The following ENO2 variants were observed in gnomAD, a reference collection of about 807,000 sequenced individuals.
The protein encoded by ENO2 is enolase 2, also known as gamma-enolase.
ENO2 carries 19 observed loss-of-function variants against 48.7 expected under a neutral mutation model. The observed-to-expected ratio is 0.39, with a 90% CI of 0.27 to 0.57. ENO2 has a LOEUF of 0.57. Among genes scored for constraint, ENO2 ranks in the 20% least tolerant of loss-of-function variants. The pLI is 0.58. For missense variants in ENO2, 416 were observed against 555.0 expected (o/e 0.75, Z 2.52); for synonymous variants, 198 against 213.4 (o/e 0.93, Z 0.63).
chr12:6,919,052 T>C (rs1945317931), intron 7 of ENO2, among the ~76,000 whole-genome samples: 1 of 148,420 alleles, frequency 6.7e-6, no homozygotes, highest in South Asian at 2.2e-4. Flanking sequence ...TGGATGACTG[T>C]TGGATTCATC....
Position 6,917,656 on chromosome 12 carries a change from C to G in ENO2, c.386C>G (p.Pro129Arg). 6.2e-7 allele frequency: 1 copy of G among 1,613,852 alleles called. No individual in the cohort carries two copies. Among genetic ancestry groups the G allele is most frequent in the Non-Finnish European group, 8.5e-7 (1 of 1,179,948 alleles). The change falls in exon 6 of 12, where the codon CCC (proline) becomes CGC (arginine). Residue 129 changes from proline to arginine, a missense_variant. By Grantham distance (103) the Pro-to-Arg change is moderately radical. Coordinates refer to ENST00000229277, the MANE Select transcript of ENO2 (RefSeq NM_001975.3). ...GCAGGGGCAGCTGAGCGGGAACTGC[C>G]CCTGTATCGCCACATTGCTCAGCTG... is the stretch of plus-strand genomic sequence containing the variant. ...CKAGAAERELPLYRHIAQLAG... is the reference protein window; with the variant it reads ...CKAGAAERELRLYRHIAQLAG...
Position 6,922,724 on chromosome 12 carries a change from C to T in ENO2, c.1236-7C>T, listed in dbSNP as rs782590975. 3.1e-6 allele frequency: 5 copies of T among 1,614,092 alleles called. 1 individual carries two copies. Among genetic ancestry groups the T allele is most frequent in the South Asian group, 2.2e-5 (2 of 91,088 alleles). ...TGACCACTTCCTTTGTGGTTCATCTCTCTCAGAATTGAGGAAGAGCTGGGG... is the reference window on the plus strand; with the variant it reads ...TGACCACTTCCTTTGTGGTTCATCTTTCTCAGAATTGAGGAAGAGCTGGGG... On this transcript the variant is annotated splice_region_variant and splice_polypyrimidine_tract_variant and intron_variant, in intron 11 of 11. Transcript: ENST00000229277. This position sits in a 1 kb window ranked among gnomAD's most constrained non-coding sequence, Gnocchi z 5.3.
At position 6,922,537 on chromosome 12, in the gene ENO2, T is replaced by C; in HGVS notation, c.1235+135T>C. ...ACAGTCCAACAGATAATATTGGTTT[T>C]TGCTTCCTGGGTTTATTGATGGCCT... On this transcript the variant is annotated intron_variant, in intron 11 of 11. Coordinates refer to ENST00000229277, the MANE Select transcript of ENO2 (RefSeq NM_001975.3). This position sits in a 1 kb window ranked among gnomAD's most constrained non-coding sequence, Gnocchi z 5.3. 7.4e-7 allele frequency: 1 copy of C among 1,354,998 alleles called. No homozygotes were observed. Among genetic ancestry groups the C allele is most frequent in the East Asian group, 2.3e-5 (1 of 43,426 alleles). 83.9% of individuals were successfully genotyped at this position (1,354,998 alleles called of 1,614,324 possible).
chr12:6,917,131 G>A, intron 5 of ENO2, 24 bp downstream of exon 5: 1 of 1,613,734 alleles, frequency 6.2e-7, no homozygotes, highest in South Asian at 1.1e-5. Flanking sequence ...GGGAGAAAGT[G>A]GGGAAGCGTC....
At chr12:6,918,243 C>G in intron 7 of ENO2, 81 bp downstream of exon 7, 1 of 1,451,782 alleles carries the variant, frequency 6.9e-7, no homozygotes. Flanking sequence ...TTCACCAAGT[C>G]CTGAGTAGGC....
intron 8 of ENO2, 81 bp from the exon 9 acceptor site, chr12:6,921,500 A>T (rs1267839422): frequency 7.0e-7 from 1 of 1,418,900 alleles, no homozygotes; most frequent in Non-Finnish European, 9.9e-7. Flanking sequence ...ATTTCAGGGA[A>T]TAAAGGGGCA....
rs1945347571 is a variant in ENO2, at chr12:6,922,224, A to T, written c.1176+60A>T. 4 of 1,606,342 alleles carry T rather than the reference A, an allele frequency of 2.5e-6. No individual in the cohort carries two copies. Among genetic ancestry groups the T allele is most frequent in the Non-Finnish European group, 3.4e-6 (4 of 1,174,276 alleles). On this transcript the variant is annotated intron_variant, in intron 10 of 11. Coordinates refer to ENST00000229277, the MANE Select transcript of ENO2 (RefSeq NM_001975.3). The surrounding 1 kb of genome is among the most constrained non-coding windows in gnomAD (Gnocchi z 5.3). ...TCTGTGGGATTGGTATTTCTAGCTC[A>T]CCCACCTGGTCTCTCCTTCCAGGTG...
At chr12:6,917,462 G>C in intron 5 of ENO2, 119 bp from the exon 6 acceptor site, 1 of 1,375,626 alleles carries the variant, frequency 7.3e-7, no homozygotes, top group Non-Finnish European at 9.8e-7. Context: ...GCTGGGGCAG[G>C]GGTGGGGAGG....
intron 7 of ENO2, among the ~76,000 whole-genome samples, chr12:6,918,856 C>A (rs1237719402): frequency 6.6e-6 from 1 of 151,450 alleles, no homozygotes; most frequent in African/African-American, 2.4e-5. Flanking sequence ...GTGGCGTGTG[C>A]CTGTAATCAC....
chr12:6,917,941 C>T lies in ENO2; in HGVS notation c.446C>T (p.Ala149Val), dbSNP rs1945307059. 29 of 1,613,884 alleles carry T rather than the reference C, an allele frequency of 1.8e-5. No individual in the cohort carries two copies. The highest frequency in any genetic ancestry group is 2.4e-5 in the Non-Finnish European group (28 of 1,180,016). The change falls in exon 7 of 12, where the codon GCC becomes GTC. Residue 149 changes from alanine (A) to valine (V), a missense_variant and splice_region_variant. Transcript: ENST00000229277. ...GNSDLILPVPAFNVINGGSHA... is the reference protein window; with the variant it reads ...GNSDLILPVPVFNVINGGSHA... ...TTCTGTCTTTCTGTGGCTCCCCAGG[C>T]CTTCAACGTGATCAATGGTGGCTCT...
intron 7 of ENO2, among the ~76,000 whole-genome samples, chr12:6,919,030 T>G (rs368312799): frequency 3.3e-3 from 91 of 27,592 alleles, no homozygotes; most frequent in African/African-American, 0.014. Context: ...TTGGGAATAC[T>G]GGGAGATGGT....
rs1945272791 is a variant in ENO2 at position 6,914,877 on chromosome 12, G to T, written c.-13+218G>T. Among the ~76,000 whole-genome samples the T allele has an allele frequency of 6.6e-6, 1 of 151,950 alleles. No homozygotes were observed. The highest frequency in any genetic ancestry group is 2.4e-5 in the African/African-American group (1 of 41,374). ...CCTCTGCGCGCCTATCTCTAACTGC[G>T]CCTCTCCACCCTTGCCTGCCTCTCT... On this transcript the variant is annotated intron_variant, in intron 1 of 11. Transcript: ENST00000229277. The surrounding 1 kb of genome is among the most constrained non-coding windows in gnomAD (Gnocchi z 7.1).
In ENO2 at chr12:6,922,702, C is replaced by G; in HGVS notation, c.1236-29C>G. The G allele has an allele frequency of 6.2e-7, 1 of 1,613,732 alleles. No individual in the cohort carries two copies. The highest frequency in any genetic ancestry group is 1.1e-5 in the South Asian group (1 of 91,082). ...AAGCAGGATCCTCCTGCATCCCTGA[C>G]CACTTCCTTTGTGGTTCATCTCTCT... is the stretch of plus-strand genomic sequence containing the variant. On this transcript the variant is annotated intron_variant, in intron 11 of 11. Transcript: ENST00000229277. This position sits in a 1 kb window ranked among gnomAD's most constrained non-coding sequence, Gnocchi z 5.3.
Position 6,922,924 on chromosome 12 carries a change from T to G in ENO2, c.*124T>G. ...CCAGGGTGCCCAGAACTTCCCTGAT[T>G]GACCTGCTCCGCTGCTCCTTGGCTT... On this transcript the variant is annotated 3_prime_UTR_variant, in exon 12 of 12. Transcript: ENST00000229277. This position sits in a 1 kb window ranked among gnomAD's most constrained non-coding sequence, Gnocchi z 5.3. 1.0e-6 allele frequency: 1 copy of G among 1,004,430 alleles called. No individual in the cohort carries two copies. Among genetic ancestry groups the G allele is most frequent in the East Asian group, 2.5e-5 (1 of 40,282 alleles). 62.2% of individuals were successfully genotyped at this position (1,004,430 alleles called of 1,614,324 possible).
At chr12:6,917,213 T>C (rs1189965166) in intron 5 of ENO2, 106 bp downstream of exon 5, 1 of 1,366,376 alleles carries the variant, frequency 7.3e-7, no homozygotes. Flanking sequence ...GGAATGACTG[T>C]CAGGGGCATT....
chr12:6,916,458 A>G lies in ENO2; in HGVS notation c.127A>G (p.Ile43Val), dbSNP rs1555141609. The G allele has an allele frequency of 1.2e-6, 2 of 1,613,926 alleles. No homozygotes were observed. Among genetic ancestry groups the G allele is most frequent in the African/African-American group, 1.3e-5 (1 of 74,882 alleles). The change falls in exon 3 of 12, where the codon ATC (isoleucine) becomes GTC (valine). Residue 43 changes from isoleucine to valine, a missense_variant. By Grantham distance (29) the Ile-to-Val change is conservative (BLOSUM62 3). Coordinates refer to ENST00000229277, the MANE Select transcript of ENO2 (RefSeq NM_001975.3). The surrounding 1 kb of genome is among the most constrained non-coding windows in gnomAD (Gnocchi z 4.5). ...AAVPSGASTG[I>V]YEALELRDGD... ...AGTGCCCAGTGGAGCCTCTACGGGCATCTATGAGGCCCTGGAGCTGAGGGA... is the reference window on the plus strand; with the variant it reads ...AGTGCCCAGTGGAGCCTCTACGGGCGTCTATGAGGCCCTGGAGCTGAGGGA...
rs1258824956 is a variant in ENO2, at chr12:6,916,298, G to C, written c.86-119G>C. 1 of 885,434 alleles carries C rather than the reference G, an allele frequency of 1.1e-6. No homozygotes were observed. The highest frequency in any genetic ancestry group is 1.7e-5 in the South Asian group (1 of 58,122). 54.8% of individuals were successfully genotyped at this position (885,434 alleles called of 1,614,324 possible). ...GTGGGGTGGGGGTGGGGGGATGTTAGGGAGCAGTGTGGGGAGAGAGCTAGA... is the reference window on the plus strand; with the variant it reads ...GTGGGGTGGGGGTGGGGGGATGTTACGGAGCAGTGTGGGGAGAGAGCTAGA... On this transcript the variant is annotated intron_variant, in intron 2 of 11. Transcript: ENST00000229277. This position sits in a 1 kb window ranked among gnomAD's most constrained non-coding sequence, Gnocchi z 4.5.
intron 8 of ENO2, 101 bp from the exon 9 acceptor site, chr12:6,921,480 G>C (rs1555142094): frequency 8.4e-7 from 1 of 1,191,176 alleles, no homozygotes; most frequent in Non-Finnish European, 1.2e-6. Flanking sequence ...AGTTAACCAA[G>C]GGCCTGTCCA....
chr12:6,918,187 G>A, intron 7 of ENO2, 25 bp downstream of exon 7: 1 of 1,611,440 alleles, frequency 6.2e-7, no homozygotes, highest in Non-Finnish European at 8.5e-7. Flanking sequence ...CCCACTCCCA[G>A]CTCTAAGTCT....
Sources: gnomAD v4.1 joint callset for allele counts (sites outside exome capture counted in the v4.1 genomes callset) on GRCh38, gnomAD v4.1.1 for gene constraint, Gnocchi (gnomAD v3.1) non-coding constraint, MANE v1.5 for transcripts, NCBI Gene and HGNC (gene_info 2026-07-23, HGNC 2026-07-21) for gene names.